The following AKAP9 variants were observed in gnomAD, a reference collection of about 807,000 sequenced individuals.
AKAP9 encodes the protein A-kinase anchoring protein 9, also known as A-kinase anchor protein 9.
Under a neutral mutation model 488.5 loss-of-function variants are expected in AKAP9, and 311 were observed. That is an observed-to-expected ratio of 0.64 (90% CI 0.58 to 0.70). AKAP9 has a LOEUF of 0.70. Among genes scored for constraint, AKAP9 ranks in the 30% least tolerant of loss-of-function variants. AKAP9 has a pLI of 0.00. For missense variants in AKAP9, 4,215 were observed against 4,374.5 expected (o/e 0.96, Z 1.03); for synonymous variants, 1,462 against 1,483.5 (o/e 0.99, Z 0.33).
intron 4 of AKAP9, 99 bp downstream of exon 4, chr7:91,992,310 G>T (rs1374103858): frequency 5.7e-6 from 5 of 883,904 alleles, no homozygotes; most frequent in Non-Finnish European, 9.5e-6. Flanking sequence ...TTCTTTCTGT[G>T]TGTGATTTCA....
rs1336462682 is a variant in AKAP9 at position 92,012,454 on chromosome 7, C to T, written c.3344C>T (p.Ala1115Val). 2 of 1,613,960 alleles carry T rather than the reference C, an allele frequency of 1.2e-6. No homozygotes were observed. Among genetic ancestry groups the T allele is most frequent in the Non-Finnish European group, 1.7e-6 (2 of 1,179,910 alleles). ...EQNDLRLQME[A>V]QRICLSLVYS... ...AATGATTTAAGGCTACAGATGGAAGCCCAACGCATTTGCCTCTCTCTGGTT... is the reference window on the plus strand; with the variant it reads ...AATGATTTAAGGCTACAGATGGAAGTCCAACGCATTTGCCTCTCTCTGGTT... The change falls in exon 9 of 50, where the codon GCC (alanine) becomes GTC (valine). Residue 1115 changes from alanine to valine, a missense_variant. By Grantham distance (64) the Ala-to-Val change is moderately conservative. Coordinates refer to ENST00000356239, the MANE Select transcript of AKAP9 (RefSeq NM_005751.5).
intron 29 of AKAP9, 111 bp from the exon 30 acceptor site, chr7:92,077,585 G>T: frequency 1.1e-6 from 1 of 927,286 alleles, no homozygotes; most frequent in South Asian, 1.4e-5. Context: ...ACCATATGGT[G>T]TCTCTGATTT....
intron 49 of AKAP9, chr7:92,109,076 A>G (rs1467781138): frequency 3.7e-6 from 1 of 272,004 alleles, no homozygotes; most frequent in African/African-American, 2.2e-5. Context: ...GAAAGTGGTA[A>G]GGCATGCAAA....
chr7:92,097,247 G>A lies in AKAP9; in HGVS notation c.10288G>A (p.Asp3430Asn), dbSNP rs1411327467. ...GAAAAGACAACAAGTTTATAAGTTA[G>A]ACCTTGAAGGACAGCGACTACAAGG... ...EEKRQQVYKL[D>N]LEGQRLQGIM... Residue 3430 changes from aspartate to asparagine, a missense_variant, in exon 41 of 50, where the codon GAC (aspartate) becomes AAC (asparagine). Transcript: ENST00000356239. 1 of 1,613,686 alleles carries A rather than the reference G, an allele frequency of 6.2e-7. No individual in the cohort carries two copies. Among genetic ancestry groups the A allele is most frequent in the Non-Finnish European group, 8.5e-7 (1 of 1,179,960 alleles).
chr7:91,954,627 A>C (rs1005184744), intron 1 of AKAP9, among the ~76,000 whole-genome samples: 1 of 152,248 alleles, frequency 6.6e-6, no homozygotes, highest in Non-Finnish European at 1.5e-5. Context: ...AATCATAGAA[A>C]CACATCTACT....
rs778584365 is a variant in AKAP9, at chr7:92,061,359, G to A, written c.5701G>A (p.Glu1901Lys). ...CCTTAAGTGCCAAGAGGAACTTCGA[G>A]AGCGCCTTCATGAGGAGTCCAGGGC... ...ESLKCQEELR[E>K]RLHEESRARE... The change falls in exon 23 of 50, where the codon GAG (glutamate) becomes AAG (lysine). Residue 1901 changes from glutamate to lysine, a missense_variant. Physicochemically the swap from Glu to Lys is moderately conservative, Grantham distance 56. Around this residue, in one of 5 missense-constraint regions of AKAP9, gnomAD observed 2,361 missense variants for 2,430.0 expected, o/e 0.97. Transcript: ENST00000356239. 6.2e-7 allele frequency: 1 copy of A among 1,613,104 alleles called. No homozygotes were observed. The highest frequency in any genetic ancestry group is 1.1e-5 in the South Asian group (1 of 91,050).
intron 21 of AKAP9, among the ~76,000 whole-genome samples, chr7:92,045,802 T>C (rs1584299411): frequency 6.6e-6 from 1 of 151,816 alleles, no homozygotes. Context: ...TTCCTTCAGC[T>C]GTGTGGATTC....
At position 91,986,342 on chromosome 7, in the gene AKAP9, T is replaced by G. The variant is rs1374665933; in HGVS notation, c.352-5816T>G. 2.0e-5 allele frequency among the ~76,000 whole-genome samples: 3 copies of G among 152,192 alleles called. No individual in the cohort carries two copies. The East Asian group carries it at 5.8e-4, about 29-fold the overall frequency. On this transcript the variant is annotated intron_variant, in intron 3 of 49. Coordinates refer to ENST00000356239, the MANE Select transcript of AKAP9 (RefSeq NM_005751.5). ...TAGGAAAGGGAAATCCTCCAACCCC[T>G]TACTCTTCCTGGGTGAGGCGATGCC...
chr7:92,018,437 CACACAG>C (rs745570297), intron 12 of AKAP9, among the ~76,000 whole-genome samples: 4,887 of 70,576 alleles, frequency 0.069, 129 homozygotes, highest in Admixed American at 0.092. Context: ...CACACACACA[CACACAG>C]AGAAATATTC....
At chr7:91,957,498 T>C (rs1407014167) in intron 1 of AKAP9, among the ~76,000 whole-genome samples, 1 of 152,212 alleles carries the variant, frequency 6.6e-6, no homozygotes, top group East Asian at 1.9e-4. Flanking sequence ...ACTGGACTTC[T>C]AACCACTATA....
At chr7:92,041,066 C>T (rs1023065675) in intron 18 of AKAP9, 168 bp downstream of exon 18, 1 of 619,228 alleles carries the variant, frequency 1.6e-6, no homozygotes, top group Admixed American at 2.9e-5. Flanking sequence ...GGAACACACT[C>T]TATACTAAGA....
chr7:91,995,358 G>A (rs914494933), intron 6 of AKAP9, among the ~76,000 whole-genome samples: 7 of 152,132 alleles, frequency 4.6e-5, no homozygotes, highest in African/African-American at 1.7e-4. Context: ...TGTCTTTGAT[G>A]CCCCACTTTT....
chr7:91,985,900 G>A (rs1282353771), intron 3 of AKAP9, among the ~76,000 whole-genome samples: 1 of 152,120 alleles, frequency 6.6e-6, no homozygotes, highest in Non-Finnish European at 1.5e-5. Flanking sequence ...CCCCACCTCG[G>A]CCTCCTAAAG....
intron 1 of AKAP9, among the ~76,000 whole-genome samples, chr7:91,955,175 G>GGT (rs1179999901): frequency 6.6e-6 from 1 of 152,066 alleles, no homozygotes; most frequent in African/African-American, 2.4e-5. Flanking sequence ...TCAAACTTAG[G>GGT]GTGGGAGGAG....
In AKAP9 at chr7:92,052,654, ATGT is replaced by A. The variant is rs879019969; in HGVS notation, c.5369-67_5369-65del. On this transcript the variant is annotated intron_variant, in intron 21 of 49. Transcript: ENST00000356239. ...TTTCCATGATTTCCAGTTTAGTTTGATGTTGTTTTATAACTTTAAAAAATTATG... is the reference window on the plus strand; with the variant it reads ...TTTCCATGATTTCCAGTTTAGTTTGATGTTTTATAACTTTAAAAAATTATG... 25 of 1,049,142 alleles carry A rather than the reference ATGT, an allele frequency of 2.4e-5. No individual in the cohort carries two copies. In the South Asian group the frequency reaches 3.0e-4, roughly 13 times the overall value. The allele number at this position is 1,049,142 out of a possible 1,614,324, so 65.0% of individuals were successfully genotyped here.
At chr7:92,061,621 A>ATATATATATATATATATATATAT (rs1809856756) in intron 23 of AKAP9, among the ~76,000 whole-genome samples, 199 bp downstream of exon 23, 4 of 93,884 alleles carry the variant, frequency 4.3e-5, no homozygotes, top group African/African-American at 1.6e-4. Flanking sequence ...TATATATATA[A>ATATATATATATATATATATATAT]AATTATAAAA....
intron 1 of AKAP9, among the ~76,000 whole-genome samples, chr7:91,946,035 CTT>C (rs1791411516): frequency 6.6e-6 from 1 of 152,122 alleles, no homozygotes; most frequent in Non-Finnish European, 1.5e-5. Flanking sequence ...AATTACATGA[CTT>C]TTGTTTAACA....
chr7:91,963,716 C>T (rs553194773), intron 1 of AKAP9, among the ~76,000 whole-genome samples: 20 of 152,246 alleles, frequency 1.3e-4, no homozygotes, highest in South Asian at 8.3e-4. Flanking sequence ...GATGTGGTTT[C>T]GCCGTGTTAG....
chr7:92,079,953 G>A lies in AKAP9; in HGVS notation c.7820G>A (p.Arg2607Lys). The A allele has an allele frequency of 6.3e-7, 1 of 1,594,504 alleles. No homozygotes were observed. Among genetic ancestry groups the A allele is most frequent in the Non-Finnish European group, 8.5e-7 (1 of 1,172,962 alleles). The change falls in exon 31 of 50, where the codon AGA becomes AAA. Residue 2607 changes from arginine (R) to lysine (K), a missense_variant. By Grantham distance (26) the Arg-to-Lys change is conservative. Around this residue, in one of 5 missense-constraint regions of AKAP9, gnomAD observed 1,476 missense variants for 1,477.4 expected, o/e 1.00. Coordinates refer to ENST00000356239, the MANE Select transcript of AKAP9 (RefSeq NM_005751.5). ...LGSDISALTLRISELESQVVE... is the reference protein window; with the variant it reads ...LGSDISALTLKISELESQVVE... ...TCAGATATATCAGCATTAACCTTGAGAATATCAGAATTAGAAAGCCAGGTT... is the reference window on the plus strand; with the variant it reads ...TCAGATATATCAGCATTAACCTTGAAAATATCAGAATTAGAAAGCCAGGTT...
Sources: allele counts gnomAD v4.1 joint callset (sites outside exome capture counted in the v4.1 genomes callset), GRCh38; gene constraint gnomAD v4.1.1; regional missense constraint gnomAD v4.1.1; transcripts MANE v1.5; gene names NCBI Gene and HGNC (gene_info 2026-07-23, HGNC 2026-07-21).